NEB: variants seen among roughly 807,000 people sequenced by gnomAD.
NEB encodes nebulin.
A neutral mutation model predicts 952.2 loss-of-function variants in NEB; 512 were observed. That is an observed-to-expected ratio of 0.54 (90% confidence interval 0.50 to 0.58). The LOEUF (loss-of-function observed/expected upper bound fraction) is 0.58. Ranked by LOEUF, NEB falls within the 20% of genes least tolerant of loss-of-function variation. The pLI is 0.00. For synonymous variants in NEB, 2,900 were observed against 3,149.8 expected (o/e 0.92, Z 2.66); for missense variants, 8,428 against 9,231.1 (o/e 0.91, Z 3.56).
Position 151,513,649 on chromosome 2 carries a change from G to A in NEB, c.23172C>T (p.Gly7724=), listed in dbSNP as rs1275999923. ...GAGTTTCATTGGCCATGGCATTCAGGCCTCTTCCTTTGACTTCCAGTTCCA... is the reference window on the plus strand; with the variant it reads ...GAGTTTCATTGGCCATGGCATTCAGACCTCTTCCTTTGACTTCCAGTTCCA... ...RDLELEVKGR[G]LNAMANETPD... The change falls in exon 160 of 182, where the codon GGC becomes GGT. Residue 7724 remains glycine (G), a synonymous_variant. Coordinates refer to ENST00000397345, the MANE Select transcript of NEB (RefSeq NM_001164508.2). 1 of 1,609,366 alleles carries A rather than the reference G, an allele frequency of 6.2e-7. No homozygotes were observed. Among genetic ancestry groups the A allele is most frequent in the Middle Eastern group, 1.7e-4 (1 of 6,058 alleles).
intron 117 of NEB, among the ~76,000 whole-genome samples, chr2:151,564,267 G>C (rs2096258459): frequency 1.3e-5 from 2 of 152,072 alleles, no homozygotes; most frequent in South Asian, 2.1e-4. Flanking sequence ...AGATTCTCCT[G>C]TCTCAGCCTC....
chr2:151,620,283 A>G (rs1687914186), intron 72 of NEB, among the ~76,000 whole-genome samples: 1 of 140,204 alleles, frequency 7.1e-6, no homozygotes, highest in Admixed American at 7.4e-5. Flanking sequence ...ACTGAACCCC[A>G]CCAAACAGTA....
chr2:151,574,254 G>GT (rs1053191833), intron 107 of NEB, among the ~76,000 whole-genome samples: 65 of 152,192 alleles, frequency 4.3e-4, no homozygotes, highest in African/African-American at 1.5e-3. Flanking sequence ...GATTACAGGC[G>GT]TGAGCCATCG....
intron 65 of NEB, among the ~76,000 whole-genome samples, chr2:151,632,257 T>C (rs890404965): frequency 2.0e-5 from 3 of 151,854 alleles, no homozygotes; most frequent in African/African-American, 7.3e-5. Context: ...ATTGGAAAGA[T>C]TTCACCTGTC....
intron 148 of NEB, among the ~76,000 whole-genome samples, chr2:151,526,566 T>A (rs957434665): frequency 6.6e-6 from 1 of 152,178 alleles, no homozygotes; most frequent in Non-Finnish European, 1.5e-5. Flanking sequence ...TATTATTCCG[T>A]CTTTACAGAG....
chr2:151,618,940 A>G (rs1476439152), intron 73 of NEB, among the ~76,000 whole-genome samples: 1 of 152,234 alleles, frequency 6.6e-6, no homozygotes. Flanking sequence ...GTATTTCCTT[A>G]ATTATTCATT....
In NEB at chr2:151,568,133, T is replaced by A. The variant is rs753969729; in HGVS notation, c.17782A>T (p.Ile5928Phe). 2 of 1,613,714 alleles carry A rather than the reference T, an allele frequency of 1.2e-6. No individual in the cohort carries two copies. The highest frequency in any genetic ancestry group is 3.3e-5 in the Admixed American group (2 of 59,986). Residue 5928 changes from isoleucine to phenylalanine, a missense_variant, in exon 113 of 182, where the codon ATT (isoleucine) becomes TTT (phenylalanine). Coordinates refer to ENST00000397345, the MANE Select transcript of NEB (RefSeq NM_001164508.2). The stretch of plus-strand genomic sequence containing the variant: ...AATGGCACAGCATCTGGAGGCAAAA[T>A]GTAACCTGTGGCTTTTTGTCTCTCC... ...GWERQKATGY[I>F]LPPDAVPFVH...
intron 169 of NEB, among the ~76,000 whole-genome samples, chr2:151,498,756 G>A (rs904661819): frequency 6.6e-6 from 1 of 152,026 alleles, no homozygotes; most frequent in Non-Finnish European, 1.5e-5. Flanking sequence ...TACAAACATT[G>A]TGTATATGGA....
chr2:151,665,887 C>T (rs2099210400), intron 41 of NEB, among the ~76,000 whole-genome samples: 1 of 152,148 alleles, frequency 6.6e-6, no homozygotes, highest in South Asian at 2.1e-4. Context: ...CTAATACCAA[C>T]ATTTTAAATA....
chr2:151,706,770 C>T, intron 13 of NEB, 111 bp downstream of exon 13: 1 of 761,780 alleles, frequency 1.3e-6, no homozygotes, highest in Non-Finnish European at 2.2e-6. Flanking sequence ...CCTACCACTC[C>T]ATAACCTTAA....
intron 37 of NEB, 94 bp from the exon 38 acceptor site, chr2:151,671,323 C>T: frequency 9.9e-7 from 1 of 1,008,502 alleles, no homozygotes; most frequent in Non-Finnish European, 1.5e-6. Context: ...AAATGAATAG[C>T]AACTCTTCAG....
chr2:151,701,976 C>A (rs1282190166), intron 13 of NEB, among the ~76,000 whole-genome samples: 2 of 146,614 alleles, frequency 1.4e-5, no homozygotes, highest in African/African-American at 2.6e-5. Context: ...AATTTTGGAT[C>A]TTTCCTGCTT....
intron 126 of NEB, 59 bp from the exon 127 acceptor site, chr2:151,553,561 C>A: frequency 1.7e-6 from 2 of 1,208,590 alleles, no homozygotes. Flanking sequence ...AACTTTAACA[C>A]TAAAAACAGA....
At chr2:151,628,498 C>T (rs978751188) in intron 68 of NEB, among the ~76,000 whole-genome samples, 1 of 152,102 alleles carries the variant, frequency 6.6e-6, no homozygotes, top group African/African-American at 2.4e-5. Flanking sequence ...GATATTTTCT[C>T]CCTATTTCAG....
chr2:151,491,053 G>C (rs1450744369), intron 179 of NEB, among the ~76,000 whole-genome samples: 2 of 102,174 alleles, frequency 2.0e-5, no homozygotes, highest in African/African-American at 8.5e-5. Flanking sequence ...TTTTTTTTTT[G>C]AGATGGGGTC....
In NEB at chr2:151,540,387, G is replaced by T; in HGVS notation, c.20849C>A (p.Pro6950Gln). The T allele has an allele frequency of 6.3e-7, 1 of 1,586,402 alleles. No homozygotes were observed. Among genetic ancestry groups the T allele is most frequent in the Non-Finnish European group, 8.6e-7 (1 of 1,164,552 alleles). ...AGCCCTCTTGGCTCTGATGAGGATT[G>T]GCGTATCTGGAACCGGAGTGTACTT... ...KDKYTPVPDT[P>Q]ILIRAKRAYW... is the part of the protein sequence containing the mutation. The change falls in exon 138 of 182, where the codon CCA (proline) becomes CAA (glutamine). Residue 6950 changes from proline to glutamine, a missense_variant. Around this residue, in one of 11 missense-constraint regions of NEB, gnomAD observed 3,374 missense variants for 3,651.5 expected, o/e 0.92. Coordinates refer to ENST00000397345, the MANE Select transcript of NEB (RefSeq NM_001164508.2).
At position 151,631,347 on chromosome 2, in the gene NEB, C is replaced by T. The variant is rs746567958; in HGVS notation, c.9415-1G>A. 4 of 1,609,684 alleles carry T rather than the reference C, an allele frequency of 2.5e-6. No individual in the cohort carries two copies. Among genetic ancestry groups the T allele is most frequent in the Non-Finnish European group, 2.5e-6 (3 of 1,176,730 alleles). ...ACTGGAGATCTGACTTGTAAATATT[C>T]TGAGCAGAGGAAAAAAGTCAAAAAC... On this transcript the variant is annotated splice_acceptor_variant, in intron 65 of 181. Transcript: ENST00000397345. LOFTEE classifies it high-confidence loss of function.
chr2:151,534,194 C>T (rs748704765), intron 142 of NEB: 18 of 1,593,506 alleles, frequency 1.1e-5, no homozygotes, highest in Non-Finnish European at 1.0e-5. Context: ...CCTGGGCCAC[C>T]GGCCAGCCCC....
rs2149335902 is a variant in NEB, at chr2:151,696,721, G to A, written c.1485C>T (p.Val495=). The change falls in exon 17 of 182, where the codon GTC becomes GTT. Residue 495 remains valine, a synonymous_variant. Transcript: ENST00000397345. ...LDQCKDHTYK[V]HPDKTKFTQV... is the part of the protein sequence containing the mutation. ...GGGTGAATTTTGTCTTATCTGGATG[G>A]ACTTTGTAGGTGTGCTGTGGGGAAG... 6.2e-7 allele frequency: 1 copy of A among 1,613,696 alleles called. No individual in the cohort carries two copies. The highest frequency in any genetic ancestry group is 8.5e-7 in the Non-Finnish European group (1 of 1,179,676).
Sources: gnomAD v4.1 joint callset for allele counts (sites outside exome capture counted in the v4.1 genomes callset) on GRCh38, gnomAD v4.1.1 for gene constraint, gnomAD v4.1.1 regional missense constraint, MANE v1.5 for transcripts, NCBI Gene and HGNC (gene_info 2026-07-23, HGNC 2026-07-21) for gene names.